Variants in CARMIL1 observed in about 807,000 individuals in gnomAD.
The protein encoded by CARMIL1 is capping protein regulator and myosin 1 linker 1.
A neutral mutation model predicts 177.1 loss-of-function variants in CARMIL1; 90 were observed. The observed-to-expected ratio is 0.51, with a 90% confidence interval of 0.43 to 0.61. The LOEUF is 0.61. Ranked by LOEUF, CARMIL1 falls within the 20% of genes least tolerant of loss-of-function variation. The probability of loss-of-function intolerance (pLI) is 0.00; values close to 1 mark genes in which losing one functional copy is unlikely to be tolerated. For synonymous variants in CARMIL1, 577 were observed against 606.2 expected (o/e 0.95, Z 0.71); for missense variants, 1,380 against 1,667.0 (o/e 0.83, Z 3.00).
intron 36 of CARMIL1, among the ~76,000 whole-genome samples, chr6:25,613,177 A>G (rs1446951448): frequency 2.6e-5 from 4 of 152,166 alleles, no homozygotes; most frequent in African/African-American, 9.7e-5. Context: ...TATTTTTATA[A>G]TTGGGGTTAG....
chr6:25,463,257 T>C (rs1309185414), intron 8 of CARMIL1, among the ~76,000 whole-genome samples: 1 of 152,220 alleles, frequency 6.6e-6, no homozygotes, highest in Admixed American at 6.5e-5. Flanking sequence ...AAAGTCTATA[T>C]TTGTTAGCAT....
At chr6:25,617,568 T>C (rs1759379332) in intron 36 of CARMIL1, among the ~76,000 whole-genome samples, 1 of 152,180 alleles carries the variant, frequency 6.6e-6, no homozygotes, top group East Asian at 1.9e-4. Flanking sequence ...CCTATTTTGG[T>C]TTTAAAACGA....
intron 11 of CARMIL1, among the ~76,000 whole-genome samples, chr6:25,480,272 A>G (rs1441487406): frequency 6.6e-6 from 1 of 152,100 alleles, no homozygotes; most frequent in Non-Finnish European, 1.5e-5. Context: ...GAAAACTTCC[A>G]TTATTATATA....
At chr6:25,458,632 A>G (rs551127478) in intron 8 of CARMIL1, among the ~76,000 whole-genome samples, 1 of 152,166 alleles carries the variant, frequency 6.6e-6, no homozygotes, top group Admixed American at 6.5e-5. Context: ...TCTGTAGAGT[A>G]TGAAGATTCT....
At chr6:25,449,005 T>TCAAG (rs1798520827) in intron 5 of CARMIL1, among the ~76,000 whole-genome samples, 1 of 149,328 alleles carries the variant, frequency 6.7e-6, no homozygotes, top group Non-Finnish European at 1.5e-5. Context: ...CCTCCCATGC[T>TCAAG]CAAGCAATCC....
chr6:25,485,538 G>T (rs543486142), intron 12 of CARMIL1, among the ~76,000 whole-genome samples: 1 of 152,154 alleles, frequency 6.6e-6, no homozygotes, highest in East Asian at 1.9e-4. Flanking sequence ...GGGTTCAAGC[G>T]ATTCTCTTGC....
At chr6:25,363,939 C>G (rs1481381308) in intron 2 of CARMIL1, among the ~76,000 whole-genome samples, 1 of 151,948 alleles carries the variant, frequency 6.6e-6, no homozygotes, top group African/African-American at 2.4e-5. Context: ...CTTCTCTTCT[C>G]TCTCGTTTCT....
chr6:25,473,386 G>A (rs1351653040), intron 11 of CARMIL1, among the ~76,000 whole-genome samples: 1 of 151,956 alleles, frequency 6.6e-6, no homozygotes, highest in Non-Finnish European at 1.5e-5. Flanking sequence ...CTAATAGCAG[G>A]GTTGACTGGA....
chr6:25,450,528 C>T (rs1581987190), intron 7 of CARMIL1, 110 bp from the exon 8 acceptor site: 1 of 1,109,168 alleles, frequency 9.0e-7, no homozygotes, highest in Middle Eastern at 2.0e-4. Context: ...ATCTTCACTT[C>T]TCAGATTACA....
At chr6:25,337,197 C>A (rs1189199836) in intron 2 of CARMIL1, among the ~76,000 whole-genome samples, 2 of 152,158 alleles carry the variant, frequency 1.3e-5, no homozygotes, top group African/African-American at 4.8e-5. Context: ...CCATACAGCT[C>A]TCCTTGTAAG....
At chr6:25,540,736 G>A (rs1430014642) in intron 26 of CARMIL1, among the ~76,000 whole-genome samples, 3 of 152,096 alleles carry the variant, frequency 2.0e-5, no homozygotes, top group African/African-American at 7.2e-5. Context: ...TATCAAGGTA[G>A]CCTTTAAAAA....
Position 25,454,875 on chromosome 6 carries a change from T to C in CARMIL1, c.614+4164T>C, listed in dbSNP as rs569298049. Among the ~76,000 whole-genome samples, 4 of 152,296 alleles carry C rather than the reference T, an allele frequency of 2.6e-5. No homozygotes were observed. The East Asian group carries it at 5.8e-4, about 22-fold the overall frequency. On this transcript the variant is annotated intron_variant, in intron 8 of 36. Transcript: ENST00000329474. ...GTTGTAGGATTCATTGTGGCATAAGTTGATGTGATGTGTGTGGGTTATTCT... is the reference window on the plus strand; with the variant it reads ...GTTGTAGGATTCATTGTGGCATAAGCTGATGTGATGTGTGTGGGTTATTCT...
chr6:25,338,027 C>T (rs887022774), intron 2 of CARMIL1, among the ~76,000 whole-genome samples: 3 of 152,044 alleles, frequency 2.0e-5, no homozygotes, highest in Admixed American at 6.5e-5. Flanking sequence ...GAGGCTGAGG[C>T]GGGTGGACCA....
intron 35 of CARMIL1, among the ~76,000 whole-genome samples, chr6:25,607,758 C>T (rs966922628): frequency 1.3e-5 from 2 of 152,048 alleles, no homozygotes; most frequent in African/African-American, 2.4e-5. Context: ...TTTCATTTCC[C>T]GAGTGGCCAG....
chr6:25,300,614 A>T (rs1782782806), intron 2 of CARMIL1, among the ~76,000 whole-genome samples: 1 of 152,232 alleles, frequency 6.6e-6, no homozygotes, highest in Admixed American at 6.5e-5. Flanking sequence ...GTGCTACTGC[A>T]CTCCAGCCTG....
intron 36 of CARMIL1, chr6:25,612,775 C>G: frequency 1.0e-6 from 1 of 985,306 alleles, no homozygotes; most frequent in African/African-American, 1.7e-5. Context: ...ACATTCAGAT[C>G]ATGACAGTGG....
intron 2 of CARMIL1, among the ~76,000 whole-genome samples, chr6:25,337,942 C>T (rs577745593): frequency 2.6e-5 from 4 of 152,264 alleles, no homozygotes; most frequent in African/African-American, 9.6e-5. Context: ...TAGGAACTAA[C>T]TAGCTGGTTC....
chr6:25,313,945 G>T (rs1784054296), intron 2 of CARMIL1, among the ~76,000 whole-genome samples: 1 of 151,492 alleles, frequency 6.6e-6, no homozygotes, highest in Non-Finnish European at 1.5e-5. Context: ...TGAGTCCAAT[G>T]AGAGTTTAAA....
chr6:25,388,692 CAG>C (rs1792432442), intron 2 of CARMIL1, among the ~76,000 whole-genome samples: 1 of 151,156 alleles, frequency 6.6e-6, no homozygotes, highest in African/African-American at 2.4e-5. Context: ...TTTTAAGAGA[CAG>C]GGTGTTGCTC....
Sources: allele counts gnomAD v4.1 joint callset (sites outside exome capture counted in the v4.1 genomes callset), GRCh38; gene constraint gnomAD v4.1.1; transcripts MANE v1.5; gene names NCBI Gene and HGNC (gene_info 2026-07-23, HGNC 2026-07-21).